F13B: variants seen among roughly 807,000 people sequenced by gnomAD.
F13B encodes TGase.
F13B carries 58 observed loss-of-function variants against 79.8 expected under a neutral mutation model. The observed-to-expected ratio is 0.73, with a 90% confidence interval of 0.59 to 0.90. The LOEUF (loss-of-function observed/expected upper bound fraction) is 0.90. Among genes scored for constraint, F13B ranks in the 40% least tolerant of loss-of-function variants. F13B has a pLI of 0.00. For missense variants in F13B, 773 were observed against 777.0 expected (o/e 0.99, Z 0.06); for synonymous variants, 283 against 260.3 (o/e 1.09, Z -0.84).
intron 4 of F13B, 52 bp downstream of exon 4, chr1:197,060,847 T>C: frequency 1.3e-6 from 2 of 1,521,952 alleles, no homozygotes; most frequent in East Asian, 2.3e-5. Context: ...CACTTCTCTA[T>C]GAGAAAAAGC....
intron 10 of F13B, among the ~76,000 whole-genome samples, chr1:197,047,775 T>C (rs1048831863): frequency 1.3e-5 from 2 of 151,944 alleles, no homozygotes; most frequent in African/African-American, 4.8e-5. Context: ...ATTAAGAAAA[T>C]GTGGCACATA....
intron 10 of F13B, among the ~76,000 whole-genome samples, chr1:197,046,522 A>G (rs1655237357): frequency 6.6e-6 from 1 of 152,226 alleles, no homozygotes; most frequent in African/African-American, 2.4e-5. Context: ...TGACACAAAC[A>G]AATGGAAGAA....
rs1233823369 is a variant in F13B at position 197,052,812 on chromosome 1, A to G, written c.1377T>C (p.Asp459=). The G allele has an allele frequency of 1.9e-6, 3 of 1,609,060 alleles. No individual in the cohort carries two copies. The highest frequency in any genetic ancestry group is 2.5e-6 in the Non-Finnish European group (3 of 1,177,552). The change falls in exon 9 of 12, where the codon GAT becomes GAC. Residue 459 remains aspartate, a synonymous_variant. Transcript: ENST00000367412. ...VCLEPCTVNV[D]YMNRNNIEMK... ...TTTCTATGTTATTTCTGTTCATGTAATCCACATTAACAGTACATGGTTCTG... is the reference window on the plus strand; with the variant it reads ...TTTCTATGTTATTTCTGTTCATGTAGTCCACATTAACAGTACATGGTTCTG...
rs760107390 is a variant in F13B at position 197,060,524 on chromosome 1, A to C, written c.647T>G (p.Leu216Ter). ...PKCTKLKCSS[L>*]RLIENGYFHP... ...AAAATAACCATTTTCAATTAATCTT[A>C]AAGAAGAGCACTTTAATTCTGCAAA... Residue 216 changes from leucine to a stop codon, truncating the protein, a stop_gained, in exon 5 of 12, where the codon TTA (leucine) becomes TGA (stop). Transcript: ENST00000367412. LOFTEE classifies it high-confidence loss of function. 1.4e-5 allele frequency: 22 copies of C among 1,591,018 alleles called. No homozygotes were observed. Among genetic ancestry groups the C allele is most frequent in the East Asian group, 2.2e-5 (1 of 44,596 alleles).
intron 9 of F13B, 34 bp downstream of exon 9, chr1:197,052,600 G>A (rs1463996717): frequency 6.7e-7 from 1 of 1,502,716 alleles, no homozygotes; most frequent in Admixed American, 1.7e-5. Flanking sequence ...TATTGGTCAA[G>A]TAAAGATACT....
In F13B at chr1:197,040,543, G is replaced by C. The variant is rs763502158; in HGVS notation, c.1931C>G (p.Pro644Arg). ...TTACCTTTGTCTTGGAATACATCTT[G>C]GATATTTTAACTGCCCTCTGTCACA... Reference protein sequence around the residue: ...MQCDRGQLKYPRCIPRQSTLS... With the variant: ...MQCDRGQLKYRRCIPRQSTLS... The change falls in exon 11 of 12, where the codon CCA becomes CGA. Residue 644 changes from proline (P) to arginine (R), a missense_variant. Pro to Arg is a moderately radical substitution (Grantham distance 103). Transcript: ENST00000367412. 1 of 1,609,776 alleles carries C rather than the reference G, an allele frequency of 6.2e-7. No individual in the cohort carries two copies. The highest frequency in any genetic ancestry group is 1.7e-5 in the Admixed American group (1 of 59,852).
In F13B at chr1:197,054,445, C is replaced by T. The variant is rs554813705; in HGVS notation, c.1354+1270G>A. Among the ~76,000 whole-genome samples, 52 of 151,984 alleles carry T rather than the reference C, an allele frequency of 3.4e-4. No individual in the cohort carries two copies. In the South Asian group the frequency reaches 8.9e-3, roughly 26 times the overall value. On this transcript the variant is annotated intron_variant, in intron 8 of 11. Coordinates refer to ENST00000367412, the MANE Select transcript of F13B (RefSeq NM_001994.3). Reference sequence around the variant, plus strand: ...AATGGGAATCGACTCCTAAGAATTACTTGAAAGGTGGAAACTACTAACAAA... The same window carrying T: ...AATGGGAATCGACTCCTAAGAATTATTTGAAAGGTGGAAACTACTAACAAA...
chr1:197,060,404 T>G lies in F13B; in HGVS notation c.767A>C (p.Tyr256Ser), dbSNP rs139285262. 1 of 1,612,564 alleles carries G rather than the reference T, an allele frequency of 6.2e-7. No individual in the cohort carries two copies. Among genetic ancestry groups the G allele is most frequent in the East Asian group, 2.2e-5 (1 of 44,696 alleles). The change falls in exon 5 of 12, where the codon TAT becomes TCT. Residue 256 changes from tyrosine to serine, a missense_variant. By Grantham distance (144) the Tyr-to-Ser change is moderately radical (BLOSUM62 -2). Transcript: ENST00000367412. ...YLSGSDLIQC[Y>S]NFGWYPESPV... ...AGATTCTGGGTACCAACCAAAGTTA[T>G]AGCATTGAATTAAATCAGATCCACT...
chr1:197,065,283 A>G (rs1169301756), intron 1 of F13B, among the ~76,000 whole-genome samples: 1 of 152,168 alleles, frequency 6.6e-6, no homozygotes, highest in Admixed American at 6.6e-5. Flanking sequence ...CACCACCAGG[A>G]TAGGCACATT....
intron 5 of F13B, among the ~76,000 whole-genome samples, chr1:197,059,184 C>G (rs1015577808): frequency 1.3e-5 from 2 of 151,844 alleles, no homozygotes; most frequent in Admixed American, 6.6e-5. Context: ...CCACTGCACT[C>G]TAGCTTAGGC....
chr1:197,059,331 TAA>T, intron 5 of F13B, among the ~76,000 whole-genome samples: 1 of 152,176 alleles, frequency 6.6e-6, no homozygotes, highest in East Asian at 1.9e-4. Flanking sequence ...ATAAAATCTT[TAA>T]AGTTACTGTA....
chr1:197,046,013 C>T (rs1250294779), intron 10 of F13B, among the ~76,000 whole-genome samples: 2 of 152,084 alleles, frequency 1.3e-5, no homozygotes, highest in Non-Finnish European at 2.9e-5. Flanking sequence ...GGGAATGTAC[C>T]TCAAAATAAT....
intron 10 of F13B, among the ~76,000 whole-genome samples, chr1:197,049,360 T>C (rs535872724): frequency 6.6e-6 from 1 of 152,012 alleles, no homozygotes; most frequent in Non-Finnish European, 1.5e-5. Context: ...TATAGACCCT[T>C]AGCAAGGCAT....
chr1:197,050,815 T>G lies in F13B; in HGVS notation c.1620A>C (p.Val540=). Residue 540 remains valine (V), a synonymous_variant, in exon 10 of 12, where the codon GTA becomes GTC. Transcript: ENST00000367412. The stretch of plus-strand genomic sequence containing the variant: ...CTGAAGAGCCATTTTCATAGGTGTC[T>G]ACTGTTGAACTAATAATGACTCCAT... ...IKHGVIISST[V]DTYENGSSVE... 1 of 1,613,330 alleles carries G rather than the reference T, an allele frequency of 6.2e-7. No individual in the cohort carries two copies. Among genetic ancestry groups the G allele is most frequent in the South Asian group, 1.1e-5 (1 of 91,070 alleles).
intron 3 of F13B, among the ~76,000 whole-genome samples, chr1:197,061,564 A>C (rs545166983): frequency 6.6e-6 from 1 of 152,238 alleles, no homozygotes; most frequent in East Asian, 1.9e-4. Flanking sequence ...TTATTGATGC[A>C]AAGTAGGAAC....
Position 197,052,684 on chromosome 1 carries a change from G to T in F13B, c.1505C>A (p.Ser502Tyr). 6.2e-7 allele frequency: 1 copy of T among 1,612,074 alleles called. No homozygotes were observed. Among genetic ancestry groups the T allele is most frequent in the Non-Finnish European group, 8.5e-7 (1 of 1,178,880 alleles). The change falls in exon 9 of 12, where the codon TCT (serine) becomes TAT (tyrosine). Residue 502 changes from serine to tyrosine, a missense_variant. Physicochemically the swap from Ser to Tyr is moderately radical, Grantham distance 144. Transcript: ENST00000367412. Reference sequence around the variant, plus strand: ...CACTTCTCCTCTGTTGCACTGCACAGATAATTCAGACAATGGGGTTAATGG... The same window carrying T: ...CACTTCTCCTCTGTTGCACTGCACATATAATTCAGACAATGGGGTTAATGG... ...LSPLTPLSEL[S>Y]VQCNRGEVKY...
chr1:197,047,101 C>T (rs1003284384), intron 10 of F13B, among the ~76,000 whole-genome samples: 1 of 152,110 alleles, frequency 6.6e-6, no homozygotes, highest in Non-Finnish European at 1.5e-5. Flanking sequence ...TAGGCATTGG[C>T]AAGTACTTCA....
At chr1:197,062,056 A>C (rs953702198) in intron 2 of F13B, 87 bp from the exon 3 acceptor site, 4 of 1,115,074 alleles carry the variant, frequency 3.6e-6, no homozygotes, top group Non-Finnish European at 3.9e-6. Context: ...GTATAATGTT[A>C]TTATTGGCGA....
chr1:197,067,246 G>T lies in F13B; in HGVS notation c.-23C>A, dbSNP rs761442589. On this transcript the variant is annotated 5_prime_UTR_variant, in exon 1 of 12. Coordinates refer to ENST00000367412, the MANE Select transcript of F13B (RefSeq NM_001994.3). The stretch of plus-strand genomic sequence containing the variant: ...CATCTTCAGTGGTGTGCTTCACAAA[G>T]ATTTTAACAATTCTAAGCACTAGGA... 2.1e-5 allele frequency: 33 copies of T among 1,570,392 alleles called. No individual in the cohort carries two copies. In the East Asian group the frequency reaches 6.8e-4, roughly 32 times the overall value.
Sources: gnomAD v4.1 joint callset for allele counts (sites outside exome capture counted in the v4.1 genomes callset) on GRCh38, gnomAD v4.1.1 for gene constraint, MANE v1.5 for transcripts, NCBI Gene and HGNC (gene_info 2026-07-23, HGNC 2026-07-21) for gene names.